TRPS1: variants seen among roughly 807,000 people sequenced by gnomAD.
TRPS1 encodes zinc finger transcription factor Trps1.
TRPS1 carries 6 observed loss-of-function variants against 101.2 expected under a neutral mutation model. The ratio of observed to expected loss-of-function variants is 0.06; its 90% CI spans 0.03 to 0.12. TRPS1 has a LOEUF of 0.12. Ranked by LOEUF, TRPS1 falls within the 10% of genes least tolerant of loss-of-function variation. The pLI, the probability that TRPS1 is intolerant of heterozygous loss-of-function variation, is 1.00. For synonymous variants in TRPS1, 578 were observed against 589.8 expected, an observed-to-expected ratio of 0.98 and a Z score of 0.29; for missense variants, 1,363 against 1,567.0, an observed-to-expected ratio of 0.87 and a Z score of 2.20.
At chr8:115,578,137 A>G (rs564823010) in intron 5 of TRPS1, among the ~76,000 whole-genome samples, 1 of 152,336 alleles carries the variant, frequency 6.6e-6, no homozygotes, top group South Asian at 2.1e-4. Context: ...TTTACCTTGT[A>G]TCGGACATGT....
chr8:115,420,605 T>C (rs1050844566), intron 5 of TRPS1, among the ~76,000 whole-genome samples: 9 of 152,214 alleles, frequency 5.9e-5, no homozygotes, highest in African/African-American at 2.2e-4. Flanking sequence ...GGTGTAATCC[T>C]GATTTCAGTG....
chr8:115,529,114 G>A (rs1816069624), intron 5 of TRPS1, among the ~76,000 whole-genome samples: 1 of 152,030 alleles, frequency 6.6e-6, no homozygotes, highest in Non-Finnish European at 1.5e-5. Flanking sequence ...ATATAAAAAG[G>A]AAATGTACAT....
At chr8:115,494,496 G>C (rs1325064792) in intron 5 of TRPS1, among the ~76,000 whole-genome samples, 1 of 152,188 alleles carries the variant, frequency 6.6e-6, no homozygotes, top group African/African-American at 2.4e-5. Flanking sequence ...AAGAGGGTAG[G>C]AGCTAAGAGA....
At chr8:115,550,611 C>A (rs1394515599) in intron 5 of TRPS1, among the ~76,000 whole-genome samples, 1 of 152,172 alleles carries the variant, frequency 6.6e-6, no homozygotes, top group Non-Finnish European at 1.5e-5. Context: ...AAGTAGTGAC[C>A]TCTCTGGTAC....
At chr8:115,660,618 A>G (rs1042430178) in intron 1 of TRPS1, among the ~76,000 whole-genome samples, 1 of 151,994 alleles carries the variant, frequency 6.6e-6, no homozygotes, top group African/African-American at 2.4e-5. Flanking sequence ...CCCTCAAAAA[A>G]GAAAAAAAGA....
rs1396894883 is a variant in TRPS1 at position 115,619,490 on chromosome 8, G to A, written c.608C>T (p.Pro203Leu). The A allele has an allele frequency of 6.2e-7, 1 of 1,614,204 alleles. No homozygotes were observed. The highest frequency in any genetic ancestry group is 8.5e-7 in the Non-Finnish European group (1 of 1,180,048). ...ATTCAGTCTTACACCCCCATCTGAA[G>A]GCACTTGTGGGTTTTTTGAGGCCAC... ...VSVASKNPQV[P>L]SDGGVRLNKS... Residue 203 changes from proline (P) to leucine (L), a missense_variant, in exon 3 of 7, where the codon CCT (proline) becomes CTT (leucine). Transcript: ENST00000395715.
chr8:115,529,611 A>C (rs1159992286), intron 5 of TRPS1, among the ~76,000 whole-genome samples: 1 of 152,124 alleles, frequency 6.6e-6, no homozygotes, highest in Non-Finnish European at 1.5e-5. Context: ...CCTACAGAAA[A>C]TTCCACACCC....
At chr8:115,467,765 C>T (rs1814361065) in intron 5 of TRPS1, among the ~76,000 whole-genome samples, 1 of 152,172 alleles carries the variant, frequency 6.6e-6, no homozygotes, top group African/African-American at 2.4e-5. Flanking sequence ...ACTCTTAGCT[C>T]ACTGTGTAAA....
At chr8:115,610,502 T>G (rs910312829) in intron 3 of TRPS1, among the ~76,000 whole-genome samples, 1 of 152,194 alleles carries the variant, frequency 6.6e-6, no homozygotes, top group Non-Finnish European at 1.5e-5. Context: ...CTGACTCTCA[T>G]GCCATCCATA....
intron 1 of TRPS1, among the ~76,000 whole-genome samples, chr8:115,648,557 C>T (rs948456619): frequency 7.2e-5 from 11 of 152,298 alleles, no homozygotes; most frequent in Admixed American, 4.6e-4. Flanking sequence ...AGCCAACTCA[C>T]TCTCACCGTA....
intron 5 of TRPS1, among the ~76,000 whole-genome samples, chr8:115,484,061 ATCT>A (rs1192762642): frequency 2.0e-5 from 3 of 152,170 alleles, no homozygotes; most frequent in Admixed American, 6.6e-5. Flanking sequence ...AAATATAACA[ATCT>A]TCTTCTTGTT....
chr8:115,461,300 G>T (rs1022676215), intron 5 of TRPS1, among the ~76,000 whole-genome samples: 26 of 27,014 alleles, frequency 9.6e-4, no homozygotes, highest in African/African-American at 4.1e-3. Flanking sequence ...TAGATAGATA[G>T]ACAGATACAT....
chr8:115,460,945 C>T (rs1185869585), intron 5 of TRPS1, among the ~76,000 whole-genome samples: 2 of 152,048 alleles, frequency 1.3e-5, no homozygotes, highest in African/African-American at 2.4e-5. Flanking sequence ...TAAAATATGG[C>T]CAAGTAACTA....
In TRPS1 at chr8:115,494,128, A is replaced by G. The variant is rs1262884446; in HGVS notation, c.2701-75676T>C. ...CAACAGTAGCTAATTCTTCTTTCCA[A>G]TCATGGTGGCAATTTTCTCCCATGG... On this transcript the variant is annotated intron_variant, in intron 5 of 6. Transcript: ENST00000395715. Among the ~76,000 whole-genome samples, 17 of 152,202 alleles carry G rather than the reference A, an allele frequency of 1.1e-4. No homozygotes were observed. The South Asian group carries it at 2.3e-3, about 20-fold the overall frequency.
At chr8:115,419,565 G>A (rs1327998698) in intron 5 of TRPS1, among the ~76,000 whole-genome samples, 1 of 152,066 alleles carries the variant, frequency 6.6e-6, no homozygotes, top group Non-Finnish European at 1.5e-5. Context: ...TAAAATTTAG[G>A]CAATTTATTT....
intron 3 of TRPS1, among the ~76,000 whole-genome samples, chr8:115,610,616 C>T (rs1818140963): frequency 6.6e-6 from 1 of 152,060 alleles, no homozygotes; most frequent in South Asian, 2.1e-4. Context: ...ACAGGGGAAA[C>T]CAAAACTCAA....
intron 5 of TRPS1, among the ~76,000 whole-genome samples, chr8:115,555,248 G>A (rs1816790914): frequency 6.6e-6 from 1 of 152,094 alleles, no homozygotes; most frequent in Non-Finnish European, 1.5e-5. Context: ...AGAACATTCA[G>A]TAAGATATCA....
chr8:115,442,440 T>C (rs1813621840), intron 5 of TRPS1, among the ~76,000 whole-genome samples: 1 of 144,196 alleles, frequency 6.9e-6, no homozygotes, highest in Non-Finnish European at 1.6e-5. Flanking sequence ...TAATTCTGTC[T>C]ATGGCAATAA....
chr8:115,462,949 C>T lies in TRPS1; in HGVS notation c.2701-44497G>A, dbSNP rs185578001. Among the ~76,000 whole-genome samples, 19 of 152,250 alleles carry T rather than the reference C, an allele frequency of 1.2e-4. No homozygotes were observed. The East Asian group carries it at 3.7e-3, about 29-fold the overall frequency. The stretch of plus-strand genomic sequence containing the variant: ...TAATTACACCCAAATTTACCAAATA[C>T]AGGATCCTTCTTTGCTACCACAAAA... On this transcript the variant is annotated intron_variant, in intron 5 of 6. Transcript: ENST00000395715.
Sources: gnomAD v4.1 joint callset for allele counts (sites outside exome capture counted in the v4.1 genomes callset) on GRCh38, gnomAD v4.1.1 for gene constraint, MANE v1.5 for transcripts, NCBI Gene and HGNC (gene_info 2026-07-23, HGNC 2026-07-21) for gene names.